The following CSNK2A2IP variants were observed in gnomAD, a reference collection of about 807,000 sequenced individuals.
The protein encoded by CSNK2A2IP is casein kinase II subunit alpha'-interacting protein.
At chr3:88,379,816 T>C in the CSNK2A2IP span, among the ~76,000 whole-genome samples, 2 of 152,134 alleles carry the variant, frequency 1.3e-5, no homozygotes, top group African/African-American at 4.8e-5. Flanking sequence ...TTGCACTTGT[T>C]GTCATTGCTT....
At chr3:88,428,737 G>T in the CSNK2A2IP span, among the ~76,000 whole-genome samples, 1 of 152,098 alleles carries the variant, frequency 6.6e-6, no homozygotes, top group African/African-American at 2.4e-5. Flanking sequence ...CTGTTTAGTA[G>T]CTGTATGTTC....
chr3:88,434,240 C>A, the CSNK2A2IP span, among the ~76,000 whole-genome samples: 1 of 151,934 alleles, frequency 6.6e-6, no homozygotes, highest in African/African-American at 2.4e-5. Flanking sequence ...TACAAACTAC[C>A]TGTCTAACAA....
the CSNK2A2IP span, among the ~76,000 whole-genome samples, chr3:88,461,055 C>A: frequency 1.1e-4 from 17 of 150,750 alleles, no homozygotes; most frequent in South Asian, 3.6e-3. Context: ...CCATTGCACT[C>A]CGACATGGGC....
At chr3:88,429,604 T>C in the CSNK2A2IP span, among the ~76,000 whole-genome samples, 7 of 152,192 alleles carry the variant, frequency 4.6e-5, no homozygotes, top group African/African-American at 1.4e-4. Flanking sequence ...TCTCTATACC[T>C]TTCATTATCA....
the CSNK2A2IP span, among the ~76,000 whole-genome samples, chr3:88,345,510 C>T: frequency 2.6e-5 from 4 of 152,122 alleles, no homozygotes; most frequent in Admixed American, 2.6e-4. Flanking sequence ...TCAGCACATG[C>T]TCACTTCATG....
the CSNK2A2IP span, among the ~76,000 whole-genome samples, chr3:88,437,817 T>G: frequency 6.6e-6 from 1 of 152,226 alleles, no homozygotes; most frequent in South Asian, 2.1e-4. Flanking sequence ...GCTTTTCCAT[T>G]CCTACTCCCA....
the CSNK2A2IP span, among the ~76,000 whole-genome samples, chr3:88,358,462 A>T: frequency 2.0e-5 from 3 of 151,786 alleles, no homozygotes; most frequent in Admixed American, 2.0e-4. Flanking sequence ...TGATAGATGG[A>T]TTTGTCATAC....
chr3:88,403,042 T>A, the CSNK2A2IP span, among the ~76,000 whole-genome samples: 1 of 152,098 alleles, frequency 6.6e-6, no homozygotes. Flanking sequence ...ATGCATAATC[T>A]ATAGTGGTTT....
chr3:88,361,574 GATTATTAC>G, the CSNK2A2IP span, among the ~76,000 whole-genome samples: 1 of 152,064 alleles, frequency 6.6e-6, no homozygotes, highest in Non-Finnish European at 1.5e-5. Context: ...TTAAGAGTTT[GATTATTAC>G]ATGCCTTGAG....
the CSNK2A2IP span, among the ~76,000 whole-genome samples, chr3:88,441,802 G>T: frequency 1.3e-5 from 2 of 152,078 alleles, no homozygotes; most frequent in African/African-American, 4.8e-5. Flanking sequence ...TTATCCAAAT[G>T]CATTCTTTAA....
At chr3:88,465,271 T>A in the CSNK2A2IP span, 2 of 743,284 alleles carry the variant, frequency 2.7e-6, no homozygotes, top group Non-Finnish European at 3.7e-6. Flanking sequence ...GTATCCATTT[T>A]CCATGGATTC....
the CSNK2A2IP span, among the ~76,000 whole-genome samples, chr3:88,396,397 G>C: frequency 6.6e-6 from 1 of 152,100 alleles, no homozygotes; most frequent in Admixed American, 6.5e-5. Context: ...GAGCCACCGC[G>C]CCCGGCCGAC....
the CSNK2A2IP span, among the ~76,000 whole-genome samples, chr3:88,369,016 A>G: frequency 1.3e-5 from 2 of 152,064 alleles, no homozygotes; most frequent in Non-Finnish European, 2.9e-5. Context: ...ACATCTAGGT[A>G]TGACTGAGAA....
the CSNK2A2IP span, among the ~76,000 whole-genome samples, chr3:88,434,934 C>A: frequency 6.6e-6 from 1 of 152,086 alleles, no homozygotes; most frequent in Admixed American, 6.6e-5. Flanking sequence ...AGTTCAATAC[C>A]TAAGGCAAAT....
chr3:88,387,593 A>G, the CSNK2A2IP span, among the ~76,000 whole-genome samples: 1 of 152,186 alleles, frequency 6.6e-6, no homozygotes, highest in South Asian at 2.1e-4. Flanking sequence ...CATTACCATA[A>G]TAATCTATGG....
chr3:88,361,057 C>G, the CSNK2A2IP span, among the ~76,000 whole-genome samples: 1 of 152,128 alleles, frequency 6.6e-6, no homozygotes, highest in Non-Finnish European at 1.5e-5. Flanking sequence ...TTTATGTTTT[C>G]TATCTCTTAA....
chr3:88,458,440 C>G, the CSNK2A2IP span, among the ~76,000 whole-genome samples: 2 of 152,100 alleles, frequency 1.3e-5, no homozygotes, highest in Middle Eastern at 3.2e-3. Context: ...CGTAAGACAC[C>G]ATGCCCAGCC....
the CSNK2A2IP span, chr3:88,343,058 A>G: frequency 1.3e-5 from 2 of 151,984 alleles, no homozygotes; most frequent in African/African-American, 2.4e-5. Context: ...ATTTTCGTAT[A>G]TGGTTACATT....
chr3:88,452,062 G>C, the CSNK2A2IP span, among the ~76,000 whole-genome samples: 2 of 151,972 alleles, frequency 1.3e-5, no homozygotes, highest in African/African-American at 4.8e-5. Flanking sequence ...TGACAACAGT[G>C]GGATACTGTG....
Sources: allele counts gnomAD v4.1 joint callset (sites outside exome capture counted in the v4.1 genomes callset), GRCh38; gene constraint gnomAD v4.1.1; transcripts MANE v1.5; gene names NCBI Gene and HGNC (gene_info 2026-07-23, HGNC 2026-07-21).